Variants in HCFC2 observed in about 807,000 individuals in gnomAD.
HCFC2 encodes host cell factor C2.
Under a neutral mutation model 89.2 loss-of-function variants are expected in HCFC2, and 18 were observed. The ratio of observed to expected loss-of-function variants is 0.20; its 90% confidence interval spans 0.14 to 0.30. HCFC2 has a LOEUF of 0.30. Ranked by LOEUF, HCFC2 falls within the 10% of genes least tolerant of loss-of-function variation. The pLI, the probability that HCFC2 is intolerant of heterozygous loss-of-function variation, is 1.00. For synonymous variants in HCFC2, 308 were observed against 335.7 expected (o/e 0.92, Z 0.90); for missense variants, 578 against 956.1 (o/e 0.60, Z 5.21).
chr12:104,096,443 T>G lies in HCFC2; in HGVS notation c.1740+10T>G, dbSNP rs1419797906. 6.3e-7 allele frequency: 1 copy of G among 1,592,814 alleles called. No homozygotes were observed. On this transcript the variant is annotated intron_variant, in intron 12 of 14. Coordinates refer to ENST00000229330, the MANE Select transcript of HCFC2 (RefSeq NM_013320.3). ...AGCAACGCCGTTTTCTGTAAGTACA[T>G]GACCTGGTGATGATGCATGTTTACA... is the stretch of plus-strand genomic sequence containing the variant.
chr12:104,077,732 G>C (rs1353173645), intron 3 of HCFC2, among the ~76,000 whole-genome samples: 1 of 151,600 alleles, frequency 6.6e-6, no homozygotes, highest in African/African-American at 2.4e-5. Context: ...ATTAACACAT[G>C]TTTACAATGA....
chr12:104,098,295 C>T lies in HCFC2; in HGVS notation c.1741-48C>T, dbSNP rs377581409. 673 of 1,490,544 alleles carry T rather than the reference C, an allele frequency of 4.5e-4. No individual in the cohort carries two copies. The Middle Eastern group carries it at 6.5e-3, about 14-fold the overall frequency. 92.3% of individuals were successfully genotyped at this position (1,490,544 alleles called of 1,614,324 possible). A position where few individuals can be genotyped will look rare whatever the true frequency, so the allele number is the denominator to read the frequency against. ...GGACTTATTAAATCTTGAAATTTTT[C>T]GTATATTCAATAAGAGTCTTCATAA... is the stretch of plus-strand genomic sequence containing the variant. On this transcript the variant is annotated intron_variant, in intron 12 of 14. Coordinates refer to ENST00000229330, the MANE Select transcript of HCFC2 (RefSeq NM_013320.3).
At chr12:104,092,708 A>C (rs1184350755) in intron 9 of HCFC2, among the ~76,000 whole-genome samples, 3 of 152,048 alleles carry the variant, frequency 2.0e-5, no homozygotes, top group Non-Finnish European at 4.4e-5. Flanking sequence ...CAGGAGGTGC[A>C]GGTTGCAGTG....
chr12:104,075,457 C>CG (rs1555285251), intron 3 of HCFC2, among the ~76,000 whole-genome samples: 1 of 118,086 alleles, frequency 8.5e-6, no homozygotes, highest in Non-Finnish European at 1.7e-5. Context: ...TGTTCCTAAC[C>CG]TTTTTTTTTT....
At chr12:104,072,682 G>C (rs1432783333) in intron 3 of HCFC2, among the ~76,000 whole-genome samples, 1 of 150,200 alleles carries the variant, frequency 6.7e-6, no homozygotes, top group Non-Finnish European at 1.5e-5. Context: ...TCGCTCTGTC[G>C]CCCAGGCTGG....
At chr12:104,067,287 C>A (rs931441081) in intron 2 of HCFC2, among the ~76,000 whole-genome samples, 3 of 152,184 alleles carry the variant, frequency 2.0e-5, no homozygotes, top group African/African-American at 7.2e-5. Context: ...CTACACCCCC[C>A]ACCTTGACAA....
intron 8 of HCFC2, 79 bp downstream of exon 8, chr12:104,087,093 G>A (rs1016451273): frequency 4.4e-5 from 60 of 1,374,110 alleles, no homozygotes; most frequent in Non-Finnish European, 5.4e-5. Context: ...GGTGGCTCAC[G>A]CCTGTAATCC....
chr12:104,094,381 G>A lies in HCFC2; in HGVS notation c.1462+818G>A, dbSNP rs552979997. 3.9e-5 allele frequency among the ~76,000 whole-genome samples: 6 copies of A among 152,206 alleles called. No homozygotes were observed. In the East Asian group the frequency reaches 5.8e-4, roughly 15 times the overall value. On this transcript the variant is annotated intron_variant, in intron 10 of 14. Transcript: ENST00000229330. ...TATGGATTTGGGAATGGTATTTAAC[G>A]CACAGAAAAATATGTAAAGGGCGAC...
rs771394333 is a variant in HCFC2 at position 104,086,958 on chromosome 12, C to T, written c.1175C>T (p.Thr392Ile). The change falls in exon 8 of 15, where the codon ACA becomes ATA. Residue 392 changes from threonine to isoleucine, a missense_variant. Transcript: ENST00000229330. ...TVEGYLLQLS[T>I]DLPYQAASSD... ...GAGGGCTATCTTTTGCAGTTGAGTA[C>T]AGACTTGCCATACCAAGCTGCATCA... 1.9e-5 allele frequency: 30 copies of T among 1,614,084 alleles called. No individual in the cohort carries two copies. The highest frequency in any genetic ancestry group is 1.6e-4 in the Middle Eastern group (1 of 6,062).
At chr12:104,067,243 G>A (rs1883179225) in intron 2 of HCFC2, among the ~76,000 whole-genome samples, 1 of 152,166 alleles carries the variant, frequency 6.6e-6, no homozygotes, top group Non-Finnish European at 1.5e-5. Context: ...CTGCTTTAGT[G>A]TTTTAGAAAT....
intron 13 of HCFC2, 81 bp downstream of exon 13, chr12:104,098,561 GA>G (rs1284802227): frequency 1.6e-4 from 220 of 1,342,826 alleles, no homozygotes; most frequent in Middle Eastern, 8.3e-4. Flanking sequence ...TTAGGGAAAG[GA>G]AAAAAAAATT....
intron 3 of HCFC2, among the ~76,000 whole-genome samples, chr12:104,077,473 A>C (rs1319866372): frequency 6.7e-6 from 1 of 149,160 alleles, no homozygotes; most frequent in African/African-American, 2.5e-5. Flanking sequence ...TGAACTCCTG[A>C]CCTCAGGTGA....
Position 104,095,075 on chromosome 12 carries a change from G to T in HCFC2, c.1463-285G>T, listed in dbSNP as rs1360415913. Among the ~76,000 whole-genome samples the T allele has an allele frequency of 6.6e-6, 1 of 151,346 alleles. No individual in the cohort carries two copies. The highest frequency in any genetic ancestry group is 1.5e-5 in the Non-Finnish European group (1 of 67,910). On this transcript the variant is annotated intron_variant, in intron 10 of 14. Coordinates refer to ENST00000229330, the MANE Select transcript of HCFC2 (RefSeq NM_013320.3). The surrounding 1 kb of genome is among the most constrained non-coding windows in gnomAD (Gnocchi z 4.2). ...ACCTCTAATATTTTTTTCCTGAAAT[G>T]AAGGGCAGAGCCATTTGATCTATGA...
At chr12:104,087,161 C>T (rs1386989678) in intron 8 of HCFC2, 147 bp downstream of exon 8, 3 of 670,850 alleles carry the variant, frequency 4.5e-6, no homozygotes, top group Non-Finnish European at 7.2e-6. Flanking sequence ...TTGAGACCAG[C>T]CTGGTCAACA....
At chr12:104,081,079 T>A (rs1197999101) in intron 5 of HCFC2, among the ~76,000 whole-genome samples, 1 of 152,248 alleles carries the variant, frequency 6.6e-6, no homozygotes, top group Non-Finnish European at 1.5e-5. Flanking sequence ...TTTATGTAAG[T>A]GTTAACCTGG....
At chr12:104,098,688 C>T (rs1041809203) in intron 13 of HCFC2, among the ~76,000 whole-genome samples, 1 of 152,204 alleles carries the variant, frequency 6.6e-6, no homozygotes, top group Non-Finnish European at 1.5e-5. Context: ...TTAGGCCATT[C>T]TCGCATTGCT....
chr12:104,065,205 AC>A (rs746529475), intron 1 of HCFC2: 1 of 152,102 alleles, frequency 6.6e-6, no homozygotes, highest in Non-Finnish European at 1.5e-5. Context: ...CTCAAATACA[AC>A]CCGGTGTTTG....
intron 5 of HCFC2, among the ~76,000 whole-genome samples, chr12:104,081,054 C>T (rs1883667628): frequency 6.6e-6 from 1 of 152,202 alleles, no homozygotes; most frequent in Non-Finnish European, 1.5e-5. Flanking sequence ...TTATAATGCC[C>T]TGCCCAGTGT....
Position 104,086,992 on chromosome 12 carries a change from T to C in HCFC2, c.1209T>C (p.Ser403=). 1 of 1,613,896 alleles carries C rather than the reference T, an allele frequency of 6.2e-7. No homozygotes were observed. Among genetic ancestry groups the C allele is most frequent in the South Asian group, 1.1e-5 (1 of 91,080 alleles). ...DLPYQAASSD[S]SAAPNMQGVR... ...CATACCAAGCTGCATCATCAGATTC[T>C]TCAGCAGCACCAAATATGCAAGGTA... The change falls in exon 8 of 15, where the codon TCT becomes TCC. Residue 403 remains serine (S), a synonymous_variant. Transcript: ENST00000229330.
Sources: allele counts gnomAD v4.1 joint callset (sites outside exome capture counted in the v4.1 genomes callset), GRCh38; gene constraint gnomAD v4.1.1; non-coding constraint Gnocchi (gnomAD v3.1); transcripts MANE v1.5; gene names NCBI Gene and HGNC (gene_info 2026-07-23, HGNC 2026-07-21).